The following TP63 variants were observed in gnomAD, a reference collection of about 807,000 sequenced individuals.
TP63 encodes tumor protein 63.
A neutral mutation model predicts 82.8 loss-of-function variants in TP63; 17 were observed. The ratio of observed to expected loss-of-function variants is 0.21; its 90% CI spans 0.14 to 0.31. The LOEUF is 0.31. Among genes scored for constraint, TP63 ranks in the 10% least tolerant of loss-of-function variants. TP63 has a pLI of 1.00. For synonymous variants in TP63, 330 were observed against 321.7 expected, an observed-to-expected ratio of 1.03 and a Z score of -0.28; for missense variants, 648 against 895.3, an observed-to-expected ratio of 0.72 and a Z score of 3.52.
intron 2 of TP63, among the ~76,000 whole-genome samples, chr3:189,738,346 G>A (rs150188626): frequency 5.9e-5 from 9 of 152,296 alleles, no homozygotes; most frequent in East Asian, 1.9e-4. Context: ...CTTAGGAATC[G>A]AGTATAAAAT....
chr3:189,626,791 C>A (rs1252480955), upstream of TP63, among the ~76,000 whole-genome samples: 1 of 152,182 alleles, frequency 6.6e-6, no homozygotes, highest in African/African-American at 2.4e-5. Flanking sequence ...AAGTGACTGT[C>A]CATTCCTATT....
intron 10 of TP63, among the ~76,000 whole-genome samples, chr3:189,877,190 C>T (rs1032754306): frequency 6.6e-5 from 10 of 152,128 alleles, no homozygotes; most frequent in African/African-American, 1.7e-4. Flanking sequence ...CTTTATATTA[C>T]GAAGAAATGT....
At chr3:189,655,860 A>G (rs954646839) in intron 1 of TP63, among the ~76,000 whole-genome samples, 7 of 152,114 alleles carry the variant, frequency 4.6e-5, no homozygotes, top group African/African-American at 1.7e-4. Flanking sequence ...CACTGTAGGG[A>G]TCTGAGTACA....
At chr3:189,698,692 GTAAA>G (rs1427363769) in intron 1 of TP63, among the ~76,000 whole-genome samples, 1 of 151,970 alleles carries the variant, frequency 6.6e-6, no homozygotes, top group African/African-American at 2.4e-5. Context: ...AGTAAATTAC[GTAAA>G]TAATTTATTA....
chr3:189,682,554 ATATATATATATATAT>A (rs1212443931), intron 1 of TP63, among the ~76,000 whole-genome samples: 14 of 7,784 alleles, frequency 1.8e-3, no homozygotes, highest in African/African-American at 5.6e-3. Flanking sequence ...AAAAAAAAAA[ATATATATATATATAT>A]ATATATATAT....
intron 3 of TP63, among the ~76,000 whole-genome samples, chr3:189,745,205 A>G (rs2108512319): frequency 6.6e-6 from 1 of 152,358 alleles, no homozygotes; most frequent in Middle Eastern, 3.4e-3. Flanking sequence ...AGACACAGGA[A>G]GCATGAAAAA....
Position 189,741,738 on chromosome 3 carries a change from A to G in TP63, c.324+2964A>G, listed in dbSNP as rs535190315. Among the ~76,000 whole-genome samples, 314 of 152,372 alleles carry G rather than the reference A, an allele frequency of 2.1e-3. 1 individual carries two copies. The highest frequency in any genetic ancestry group is 3.8e-3 in the Non-Finnish European group (256 of 68,036). On this transcript the variant is annotated intron_variant, in intron 3 of 13. Coordinates refer to ENST00000264731, the MANE Select transcript of TP63 (RefSeq NM_003722.5). ...ACAACCTAAACATTTATAACTAGCC[A>G]TTAAATGGAATCACCATGTTTTGCT...
intron 3 of TP63, among the ~76,000 whole-genome samples, chr3:189,765,433 C>CTTTGTTTTTTTTTTTTT (rs1722871140): frequency 3.3e-5 from 1 of 30,088 alleles, no homozygotes; most frequent in Non-Finnish European, 5.9e-5. Context: ...CTGTCCTCTG[C>CTTTGTTTTTTTTTTTTT]TTTTTTTTTT....
the TP63 span, among the ~76,000 whole-genome samples, chr3:189,619,383 T>C: frequency 1.3e-5 from 2 of 152,208 alleles, no homozygotes; most frequent in African/African-American, 2.4e-5. Flanking sequence ...AACCAACTTA[T>C]CAGGGGTATC....
chr3:189,747,554 T>C (rs1577344073), intron 3 of TP63, among the ~76,000 whole-genome samples: 1 of 152,046 alleles, frequency 6.6e-6, no homozygotes, highest in East Asian at 1.9e-4. Flanking sequence ...AAACACAATG[T>C]ATCAAAAATC....
At position 189,856,795 on chromosome 3, in the gene TP63, TACTG is replaced by T. The variant is rs573767333; in HGVS notation, c.580-7435_580-7432del. 4.9e-3 allele frequency among the ~76,000 whole-genome samples: 746 copies of T among 152,140 alleles called. 8 individuals carry two copies. The highest frequency in any genetic ancestry group is 0.017 in the African/African-American group (687 of 41,576). On this transcript the variant is annotated intron_variant, in intron 4 of 13. Coordinates refer to ENST00000264731, the MANE Select transcript of TP63 (RefSeq NM_003722.5). ...TTATAACAATTATTTTAAAATAAAA[TACTG>T]AAGGATAAATCTAACAAAATAGGTA...
rs192172085 is a variant in TP63 at position 189,706,364 on chromosome 3, C to G, written c.63-31376C>G. Among the ~76,000 whole-genome samples, 545 of 152,206 alleles carry G rather than the reference C, an allele frequency of 3.6e-3. 1 individual carries two copies. The highest frequency in any genetic ancestry group is 6.8e-3 in the Admixed American group (104 of 15,274). On this transcript the variant is annotated intron_variant, in intron 1 of 13. Coordinates refer to ENST00000264731, the MANE Select transcript of TP63 (RefSeq NM_003722.5). The stretch of plus-strand genomic sequence containing the variant: ...CTCCGCCTCCTGGGTTCAAGTGATT[C>G]TCCTGCCTCAGCCTCCCAAGTAGTG...
chr3:189,822,807 A>G (rs993790807), intron 4 of TP63, among the ~76,000 whole-genome samples: 1 of 152,132 alleles, frequency 6.6e-6, no homozygotes, highest in Non-Finnish European at 1.5e-5. Flanking sequence ...TCCTAGAGAT[A>G]TTTTAGACTT....
intron 4 of TP63, among the ~76,000 whole-genome samples, chr3:189,856,664 T>A (rs1462201393): frequency 6.6e-6 from 1 of 152,006 alleles, no homozygotes; most frequent in East Asian, 1.9e-4. Context: ...TTTACCAAGG[T>A]CATAGGCTAC....
Position 189,789,968 on chromosome 3 carries a change from C to T in TP63, c.325-18304C>T, listed in dbSNP as rs1724969939. On this transcript the variant is annotated intron_variant, in intron 3 of 13. Coordinates refer to ENST00000264731, the MANE Select transcript of TP63 (RefSeq NM_003722.5). ...TGTTTTGCAAATTGTATATAGGAATCTCCTTTTCTTGGTTAATGTTTTCTG... is the reference window on the plus strand; with the variant it reads ...TGTTTTGCAAATTGTATATAGGAATTTCCTTTTCTTGGTTAATGTTTTCTG... 6 of 856,258 alleles carry T rather than the reference C, an allele frequency of 7.0e-6. No homozygotes were observed. In the East Asian group the frequency reaches 2.0e-4, roughly 29 times the overall value. The allele number at this position is 856,258 out of a possible 1,614,324, so 53.0% of individuals were successfully genotyped here. A position where few individuals can be genotyped will look rare whatever the true frequency, so the allele number is the denominator to read the frequency against.
intron 1 of TP63, among the ~76,000 whole-genome samples, chr3:189,720,077 T>A (rs1719266179): frequency 6.6e-6 from 1 of 152,154 alleles, no homozygotes; most frequent in Non-Finnish European, 1.5e-5. Flanking sequence ...CCAAACCCTG[T>A]CTCAAATTCT....
chr3:189,641,093 A>G (rs1019104376), intron 1 of TP63, among the ~76,000 whole-genome samples: 5 of 152,130 alleles, frequency 3.3e-5, no homozygotes, highest in Non-Finnish European at 7.4e-5. Flanking sequence ...GGGGACAAGG[A>G]ACAATAGGAG....
intron 3 of TP63, among the ~76,000 whole-genome samples, chr3:189,779,077 C>T (rs1576936506): frequency 6.6e-6 from 1 of 151,966 alleles, no homozygotes; most frequent in African/African-American, 2.4e-5. Flanking sequence ...ATACTGAATC[C>T]GTTTGAAGAA....
chr3:189,597,643 G>T, the TP63 span, among the ~76,000 whole-genome samples: 161 of 152,178 alleles, frequency 1.1e-3, no homozygotes, highest in Non-Finnish European at 1.9e-3. Context: ...AGCTAGAATT[G>T]GCCTGGTGCG....
Sources: gnomAD v4.1 joint callset for allele counts (sites outside exome capture counted in the v4.1 genomes callset) on GRCh38, gnomAD v4.1.1 for gene constraint, MANE v1.5 for transcripts, NCBI Gene and HGNC (gene_info 2026-07-23, HGNC 2026-07-21) for gene names.